The following EXOC4 variants were observed in gnomAD, a reference collection of about 807,000 sequenced individuals.
The protein encoded by EXOC4 is SEC8-like 1.
EXOC4 carries 71 observed loss-of-function variants against 107.2 expected under a neutral mutation model. The observed-to-expected ratio is 0.66, with a 90% CI of 0.55 to 0.81. EXOC4 has a LOEUF of 0.81. EXOC4 is among the 30% of genes least tolerant of loss of function. EXOC4 has a pLI of 0.00. For synonymous variants in EXOC4, 456 were observed against 441.2 expected (o/e 1.03, Z -0.42); for missense variants, 1,108 against 1,189.6 (o/e 0.93, Z 1.01).
At chr7:133,393,868 T>C (rs1796911244) in intron 7 of EXOC4, among the ~76,000 whole-genome samples, 1 of 152,220 alleles carries the variant, frequency 6.6e-6, no homozygotes, top group Non-Finnish European at 1.5e-5. Flanking sequence ...TTTAAATGCT[T>C]TGTAAATGTG....
intron 9 of EXOC4, among the ~76,000 whole-genome samples, chr7:133,485,774 C>G (rs1463450171): frequency 6.6e-6 from 1 of 152,028 alleles, no homozygotes; most frequent in Non-Finnish European, 1.5e-5. Context: ...TTAATATCTC[C>G]TTATTTGTAG....
chr7:133,967,328 T>C (rs1020532886), intron 14 of EXOC4, among the ~76,000 whole-genome samples: 2 of 152,206 alleles, frequency 1.3e-5, no homozygotes, highest in South Asian at 2.1e-4. Flanking sequence ...CTCTTTCAAT[T>C]CTGCTCTACT....
intron 10 of EXOC4, among the ~76,000 whole-genome samples, chr7:133,709,645 CTTT>C (rs147956984): frequency 0.18 from 21,573 of 118,362 alleles, 1,620 homozygotes; most frequent in African/African-American, 0.3. Context: ...AATCTGTTTT[CTTT>C]TTTTTTTTTT....
At chr7:133,522,711 G>C (rs6964526) in intron 9 of EXOC4, among the ~76,000 whole-genome samples, 144,952 of 152,196 alleles carry the variant, frequency 0.95, 69,439 homozygotes, top group East Asian at 1. Context: ...ATTCTTTGTT[G>C]GAAGAGAGGG....
At chr7:133,480,338 C>A in intron 9 of EXOC4, 200 bp downstream of exon 9, 3 of 1,395,014 alleles carry the variant, frequency 2.2e-6, no homozygotes, top group Non-Finnish European at 2.8e-6. Context: ...GACTTGTAGA[C>A]CTGCTACTGT....
chr7:133,340,012 G>A (rs1219729203), intron 5 of EXOC4, among the ~76,000 whole-genome samples: 1 of 151,982 alleles, frequency 6.6e-6, no homozygotes, highest in African/African-American at 2.4e-5. Flanking sequence ...TCTTTTTCTT[G>A]TCTAATTGCT....
intron 7 of EXOC4, among the ~76,000 whole-genome samples, chr7:133,398,820 T>C (rs1032112840): frequency 1.3e-5 from 2 of 152,224 alleles, no homozygotes; most frequent in Non-Finnish European, 2.9e-5. Context: ...TAAGTGGAAA[T>C]ATTTACATGT....
intron 6 of EXOC4, among the ~76,000 whole-genome samples, chr7:133,369,486 ACT>A (rs928376333): frequency 6.6e-6 from 1 of 151,620 alleles, no homozygotes; most frequent in Non-Finnish European, 1.5e-5. Flanking sequence ...ATAGCCTTTG[ACT>A]CTGCTGGTAT....
chr7:134,097,920 AGAT>A, the EXOC4 span, among the ~76,000 whole-genome samples: 1 of 152,200 alleles, frequency 6.6e-6, no homozygotes, highest in East Asian at 1.9e-4. Context: ...ATCAAAACTT[AGAT>A]GATCAGTGAT....
intron 4 of EXOC4, among the ~76,000 whole-genome samples, chr7:133,314,757 A>C (rs559137852): frequency 3.9e-4 from 59 of 152,270 alleles, no homozygotes; most frequent in African/African-American, 1.4e-3. Context: ...CAGCTATATA[A>C]TTGAATTTTC....
rs1585247264 is a variant in EXOC4, at chr7:133,917,693, C to A, written c.1982C>A (p.Pro661His). 1 of 1,613,986 alleles carries A rather than the reference C, an allele frequency of 6.2e-7. No homozygotes were observed. The highest frequency in any genetic ancestry group is 2.2e-5 in the East Asian group (1 of 44,856). ...CCAAACTGGATGAATATGGCTCAAC[C>A]CAAACAGCTGAGGCCAAAAAGAGAG... ...SLPNWMNMAQ[P>H]KQLRPKREEE... Residue 661 changes from proline to histidine, a missense_variant, in exon 13 of 18, where the codon CCC (proline) becomes CAC (histidine). Transcript: ENST00000253861.
chr7:133,838,596 C>G (rs1326273048), intron 11 of EXOC4, among the ~76,000 whole-genome samples: 10 of 152,124 alleles, frequency 6.6e-5, no homozygotes, highest in African/African-American at 2.4e-4. Flanking sequence ...TCTTAAAATG[C>G]ACATTCTGAT....
chr7:133,386,777 A>G (rs1226541224), intron 7 of EXOC4, among the ~76,000 whole-genome samples: 2 of 151,884 alleles, frequency 1.3e-5, no homozygotes, highest in South Asian at 2.1e-4. Context: ...GGCTTGTAAG[A>G]TCTCCATTAG....
At chr7:133,488,357 A>G (rs1253144446) in intron 9 of EXOC4, among the ~76,000 whole-genome samples, 1 of 152,178 alleles carries the variant, frequency 6.6e-6, no homozygotes, top group African/African-American at 2.4e-5. Flanking sequence ...AGTTCAAGGT[A>G]GACAACAGGT....
chr7:133,910,824 C>T (rs1226496701), intron 12 of EXOC4, among the ~76,000 whole-genome samples: 6 of 152,182 alleles, frequency 3.9e-5, no homozygotes. Context: ...AAGATTCAGT[C>T]TGGGAAAGTA....
At chr7:133,877,877 C>A (rs1798883708) in intron 11 of EXOC4, among the ~76,000 whole-genome samples, 1 of 152,216 alleles carries the variant, frequency 6.6e-6, no homozygotes, top group Admixed American at 6.5e-5. Flanking sequence ...ACTCCAAATT[C>A]TGTCTCCTCA....
intron 7 of EXOC4, among the ~76,000 whole-genome samples, chr7:133,432,996 G>A (rs1165043719): frequency 2.0e-5 from 3 of 152,164 alleles, no homozygotes; most frequent in African/African-American, 7.2e-5. Context: ...TCCTAATCAT[G>A]TCCGTTTATA....
Position 133,596,182 on chromosome 7 carries a change from G to C in EXOC4, c.1418-33863G>C, listed in dbSNP as rs112684040. On this transcript the variant is annotated intron_variant, in intron 9 of 17. Coordinates refer to ENST00000253861, the MANE Select transcript of EXOC4 (RefSeq NM_021807.4). Reference sequence around the variant, plus strand: ...TCCTTGACCTAATCTAGATTTCTTTGTTGCTATTTAGTGAAAACTCTATTT... The same window carrying C: ...TCCTTGACCTAATCTAGATTTCTTTCTTGCTATTTAGTGAAAACTCTATTT... Among the ~76,000 whole-genome samples the C allele has an allele frequency of 3.9e-3, 598 of 152,204 alleles. 6 individuals carry two copies. The highest frequency in any genetic ancestry group is 0.014 in the African/African-American group (571 of 41,510).
intron 9 of EXOC4, among the ~76,000 whole-genome samples, chr7:133,499,696 G>A (rs949238214): frequency 6.6e-6 from 1 of 152,050 alleles, no homozygotes; most frequent in Admixed American, 6.6e-5. Flanking sequence ...ATCACGGGGC[G>A]GAGTTCTCGT....
Sources: allele counts gnomAD v4.1 joint callset (sites outside exome capture counted in the v4.1 genomes callset), GRCh38; gene constraint gnomAD v4.1.1; transcripts MANE v1.5; gene names NCBI Gene and HGNC (gene_info 2026-07-23, HGNC 2026-07-21).